The following SEMA5A variants were observed in gnomAD, a reference collection of about 807,000 sequenced individuals.
SEMA5A encodes the protein semaphorin-5A.
In SEMA5A, 55 loss-of-function variants were observed where a neutral mutation model predicts 135.5. The ratio of observed to expected loss-of-function variants is 0.41; its 90% CI spans 0.33 to 0.51. The LOEUF (loss-of-function observed/expected upper bound fraction) is 0.51. Among genes scored for constraint, SEMA5A ranks in the 20% least tolerant of loss-of-function variants. The pLI, the probability that SEMA5A is intolerant of heterozygous loss-of-function variation, is 0.37. For missense variants in SEMA5A, 1,290 were observed against 1,419.9 expected (o/e 0.91, Z 1.47); for synonymous variants, 580 against 546.5 (o/e 1.06, Z -0.85).
chr5:9,248,055 A>G (rs754479131), intron 5 of SEMA5A, among the ~76,000 whole-genome samples: 2 of 152,168 alleles, frequency 1.3e-5, no homozygotes, highest in Admixed American at 6.6e-5. Flanking sequence ...TTATTTCTCC[A>G]AACATTTTTC....
intron 16 of SEMA5A, among the ~76,000 whole-genome samples, chr5:9,098,623 C>T (rs964072098): frequency 1.3e-5 from 2 of 152,268 alleles, no homozygotes; most frequent in South Asian, 4.2e-4. Context: ...ATTTAAAAAA[C>T]CAGAGACATG....
chr5:9,056,390 C>T (rs567236184), intron 18 of SEMA5A, among the ~76,000 whole-genome samples: 11 of 152,254 alleles, frequency 7.2e-5, no homozygotes, highest in African/African-American at 2.6e-4. Flanking sequence ...TACAATGGTG[C>T]AGCTGCCTCG....
At chr5:9,435,589 T>A (rs1439004897) in intron 2 of SEMA5A, among the ~76,000 whole-genome samples, 1 of 152,218 alleles carries the variant, frequency 6.6e-6, no homozygotes, top group African/African-American at 2.4e-5. Flanking sequence ...TAATACCTAC[T>A]GTCCCCGAAA....
chr5:9,190,568 T>A (rs1424675155), intron 10 of SEMA5A, 97 bp from the exon 11 acceptor site: 1 of 1,090,096 alleles, frequency 9.2e-7, no homozygotes, highest in Non-Finnish European at 1.4e-6. Context: ...GGAAATCAAG[T>A]AAGCCACAAT....
At chr5:9,171,280 C>T (rs1743907932) in intron 11 of SEMA5A, among the ~76,000 whole-genome samples, 1 of 152,138 alleles carries the variant, frequency 6.6e-6, no homozygotes, top group African/African-American at 2.4e-5. Flanking sequence ...TGAGCATAAG[C>T]CCAAGGATTG....
At chr5:9,212,871 A>G (rs1212953403) in intron 8 of SEMA5A, among the ~76,000 whole-genome samples, 1 of 152,206 alleles carries the variant, frequency 6.6e-6, no homozygotes, top group Non-Finnish European at 1.5e-5. Context: ...TCAACTATCT[A>G]CCCATTGTCT....
chr5:9,145,094 G>A (rs1208812230), intron 12 of SEMA5A, among the ~76,000 whole-genome samples: 2 of 151,910 alleles, frequency 1.3e-5, no homozygotes, highest in Non-Finnish European at 2.9e-5. Flanking sequence ...CTAGGACAGA[G>A]GGAGACTTTG....
chr5:9,269,506 A>C (rs1468105791), intron 5 of SEMA5A, among the ~76,000 whole-genome samples: 1 of 152,154 alleles, frequency 6.6e-6, no homozygotes, highest in Non-Finnish European at 1.5e-5. Context: ...TAGCGTACTC[A>C]CTTGAAAATA....
At chr5:9,187,189 T>G (rs182349209) in intron 11 of SEMA5A, among the ~76,000 whole-genome samples, 12 of 152,116 alleles carry the variant, frequency 7.9e-5, no homozygotes, top group Admixed American at 3.9e-4. Flanking sequence ...TTCAATTCCT[T>G]GGACATAAAG....
At chr5:9,123,495 G>A (rs1740943938) in intron 13 of SEMA5A, among the ~76,000 whole-genome samples, 1 of 151,394 alleles carries the variant, frequency 6.6e-6, no homozygotes, top group Admixed American at 6.6e-5. Context: ...GATGGGAGGA[G>A]GGCTGAGAAG....
intron 8 of SEMA5A, among the ~76,000 whole-genome samples, chr5:9,219,407 C>A (rs1367112023): frequency 6.6e-6 from 1 of 152,084 alleles, no homozygotes; most frequent in Non-Finnish European, 1.5e-5. Context: ...CTGCTCTGGG[C>A]TGAGTTTTGT....
At chr5:9,122,411 AT>A (rs1370829381) in intron 14 of SEMA5A, among the ~76,000 whole-genome samples, 1 of 152,236 alleles carries the variant, frequency 6.6e-6, no homozygotes, top group Non-Finnish European at 1.5e-5. Context: ...AGCCAATCAT[AT>A]TGTCCAAATT....
chr5:9,540,437 A>AC, intron 1 of SEMA5A, among the ~76,000 whole-genome samples: 1 of 150,860 alleles, frequency 6.6e-6, no homozygotes, highest in Admixed American at 6.6e-5. Context: ...AAAATTCAAA[A>AC]AAAAAAAAAA....
intron 1 of SEMA5A, among the ~76,000 whole-genome samples, chr5:9,451,760 A>G (rs1758652466): frequency 6.6e-6 from 1 of 152,216 alleles, no homozygotes; most frequent in Non-Finnish European, 1.5e-5. Context: ...TGAGGAGGGT[A>G]AGAAATGGCC....
At chr5:9,214,955 C>T (rs1056947373) in intron 8 of SEMA5A, among the ~76,000 whole-genome samples, 6 of 152,174 alleles carry the variant, frequency 3.9e-5, no homozygotes, top group African/African-American at 9.7e-5. Context: ...TTGAGACTTG[C>T]GGAGGAGAGA....
At chr5:9,053,487 C>T (rs1421016711) in intron 19 of SEMA5A, among the ~76,000 whole-genome samples, 2 of 152,150 alleles carry the variant, frequency 1.3e-5, no homozygotes, top group African/African-American at 2.4e-5. Context: ...TACAGCCCAT[C>T]GACCATGGAT....
At chr5:9,190,136 G>C (rs1375005324) in intron 11 of SEMA5A, 131 bp downstream of exon 11, 1 of 826,948 alleles carries the variant, frequency 1.2e-6, no homozygotes, top group Non-Finnish European at 1.9e-6. Context: ...TGAGCATCGC[G>C]GGTTTTGCTG....
At chr5:9,130,493 G>A (rs1189020761) in intron 13 of SEMA5A, among the ~76,000 whole-genome samples, 1 of 152,142 alleles carries the variant, frequency 6.6e-6, no homozygotes, top group South Asian at 2.1e-4. Flanking sequence ...GAACTAAGCT[G>A]AAGCACTGTG....
chr5:9,483,829 G>A (rs1275685982), intron 1 of SEMA5A, among the ~76,000 whole-genome samples: 1 of 152,188 alleles, frequency 6.6e-6, no homozygotes, highest in Non-Finnish European at 1.5e-5. Context: ...AAAGCCTTGG[G>A]GGGAGGAGAA....
Sources: gnomAD v4.1 joint callset for allele counts (sites outside exome capture counted in the v4.1 genomes callset) on GRCh38, gnomAD v4.1.1 for gene constraint, MANE v1.5 for transcripts, NCBI Gene and HGNC (gene_info 2026-07-23, HGNC 2026-07-21) for gene names.